The following TTC6 variants were observed in gnomAD, a reference collection of about 807,000 sequenced individuals.
TTC6 encodes the protein tetratricopeptide repeat domain 6.
In TTC6, 172 loss-of-function variants were observed where a neutral mutation model predicts 210.4. That is an observed-to-expected ratio of 0.82 (90% CI 0.72 to 0.93). The LOEUF (loss-of-function observed/expected upper bound fraction) is 0.93, where lower values mean the gene tolerates loss of function less well. Among genes scored for constraint, TTC6 ranks in the 40% least tolerant of loss-of-function variants. The pLI is 0.00. For missense variants in TTC6, 2,414 were observed against 2,318.1 expected (o/e 1.04, Z -0.85); for synonymous variants, 804 against 819.6 (o/e 0.98, Z 0.32).
chr14:37,796,642 C>A lies in TTC6; in HGVS notation c.3869-145C>A, dbSNP rs2096093289. The A allele has an allele frequency of 6.5e-6, 5 of 768,042 alleles. No homozygotes were observed. The South Asian group carries it at 9.4e-5, about 14-fold the overall frequency. 47.6% of individuals were successfully genotyped at this position (768,042 alleles called of 1,614,324 possible). A position where few individuals can be genotyped will look rare whatever the true frequency, so the allele number is the denominator to read the frequency against. Reference sequence around the variant, plus strand: ...TGTTGGTTACTGGTAGTAAATAGATCTTACTATGATTTGTTAATTTTATAA... The same window carrying A: ...TGTTGGTTACTGGTAGTAAATAGATATTACTATGATTTGTTAATTTTATAA... On this transcript the variant is annotated intron_variant, in intron 19 of 30. Coordinates refer to ENST00000553443, the Ensembl canonical transcript of TTC6.
At chr14:37,807,322 A>C (rs746493919) in exon 23 of TTC6, 1 of 1,522,078 alleles carries the variant, frequency 6.6e-7, no homozygotes, top group Non-Finnish European at 8.8e-7. Flanking sequence ...CTGAATAGGC[A>C]TATTTAAGCC....
At chr14:37,806,312 ATATAT>A (rs747640887) in intron 21 of TTC6, 44 bp from the exon 24 acceptor site, 20 of 1,477,654 alleles carry the variant, frequency 1.4e-5, no homozygotes, top group South Asian at 3.9e-5. Context: ...TTTTAAAACA[ATATAT>A]TATATCACTA....
intron 1 of TTC6, among the ~76,000 whole-genome samples, chr14:37,599,367 C>T (rs1167624446): frequency 1.3e-5 from 2 of 152,214 alleles, no homozygotes; most frequent in Non-Finnish European, 2.9e-5. Context: ...GCAGGCAGTT[C>T]TGTACAGAGT....
rs1001751301 is a variant in TTC6, at chr14:37,807,239, T to C, written c.4315-81T>C. The stretch of plus-strand genomic sequence containing the variant: ...ACCCTTTTTGGGAGGCATAGATTTG[T>C]TCCAAGTAGCATATATTTTGGTAGA... On this transcript the variant is annotated intron_variant, in intron 22 of 30. Transcript: ENST00000553443. 22 of 1,303,120 alleles carry C rather than the reference T, an allele frequency of 1.7e-5. No individual in the cohort carries two copies. The Admixed American group carries it at 2.5e-4, about 15-fold the overall frequency. The allele number at this position is 1,303,120 out of a possible 1,614,324, so 80.7% of individuals were successfully genotyped here. A position where few individuals can be genotyped will look rare whatever the true frequency, so the allele number is the denominator to read the frequency against.
At chr14:37,713,581 A>T (rs955843439) in intron 5 of TTC6, among the ~76,000 whole-genome samples, 2 of 152,204 alleles carry the variant, frequency 1.3e-5, no homozygotes, top group Non-Finnish European at 2.9e-5. Context: ...AGGAAAGCAC[A>T]TTAGAAGGAG....
intron 1 of TTC6, among the ~76,000 whole-genome samples, chr14:37,657,904 G>A (rs1196732966): frequency 1.3e-5 from 2 of 152,136 alleles, no homozygotes; most frequent in East Asian, 3.9e-4. Context: ...TGACCTTGCA[G>A]GATGAAAAAT....
Position 37,653,574 on chromosome 14 carries a change from G to GTT in TTC6, c.940-26577_940-26576insTT, listed in dbSNP as rs200503954. Among the ~76,000 whole-genome samples, 860 of 150,394 alleles carry GTT rather than the reference G, an allele frequency of 5.7e-3. 8 individuals are homozygous for GTT. Among genetic ancestry groups the GTT allele is most frequent in the African/African-American group, 0.021 (826 of 39,792 alleles). The stretch of plus-strand genomic sequence containing the variant: ...TCATGTTTAACACTTGCTGTCTTCT[G>GTT]CTATGGTCGGGGAGAGATGTTACTG... On this transcript the variant is annotated intron_variant, in intron 1 of 30. Transcript: ENST00000553443.
chr14:37,611,571 G>A (rs1306901092), intron 2 of TTC6, among the ~76,000 whole-genome samples: 1 of 152,162 alleles, frequency 6.6e-6, no homozygotes, highest in Non-Finnish European at 1.5e-5. Context: ...ATGAGCACGG[G>A]TTGAAGAGGA....
At chr14:37,661,821 C>T (rs907548780) in intron 1 of TTC6, among the ~76,000 whole-genome samples, 2 of 152,040 alleles carry the variant, frequency 1.3e-5, no homozygotes, top group Non-Finnish European at 2.9e-5. Context: ...TTTCCATTTG[C>T]TTGTGTCCTC....
intron 29 of TTC6, chr14:37,828,002 C>G (rs942761893): frequency 1.3e-5 from 2 of 152,112 alleles, no homozygotes; most frequent in African/African-American, 2.4e-5. Flanking sequence ...TTCTTTCCCC[C>G]ACTTAGACTT....
Position 37,644,570 on chromosome 14 carries a change from T to C in TTC6, c.939+21567T>C, listed in dbSNP as rs537848112. The stretch of plus-strand genomic sequence containing the variant: ...ATCCTTGGCAGCCATATGCCAAGGT[T>C]CACATTCTATTACTATGGAAAAGGG... On this transcript the variant is annotated intron_variant, in intron 1 of 30. Coordinates refer to ENST00000553443, the Ensembl canonical transcript of TTC6. Among the ~76,000 whole-genome samples the C allele has an allele frequency of 2.7e-3, 406 of 152,328 alleles. 4 individuals carry two copies. Among genetic ancestry groups the C allele is most frequent in the African/African-American group, 9.3e-3 (386 of 41,568 alleles).
At chr14:37,723,819 G>A (rs1358316294) in intron 6 of TTC6, among the ~76,000 whole-genome samples, 2 of 151,978 alleles carry the variant, frequency 1.3e-5, no homozygotes, top group African/African-American at 2.4e-5. Flanking sequence ...TTCCATCGTG[G>A]GATTCCTCCT....
chr14:37,714,910 G>C (rs2095850048), intron 6 of TTC6, 114 bp downstream of exon 8: 2 of 959,878 alleles, frequency 2.1e-6, no homozygotes, highest in African/African-American at 3.3e-5. Context: ...AGGTGTGGTA[G>C]CTCACGCCTG....
chr14:37,749,930 G>A, intron 12 of TTC6, 87 bp downstream of exon 14: 1 of 895,994 alleles, frequency 1.1e-6, no homozygotes, highest in East Asian at 3.6e-5. Flanking sequence ...ACATAAATCA[G>A]TAGATATATG....
At chr14:37,630,907 G>GTTTTTTTTT (rs746429138) in intron 1 of TTC6, among the ~76,000 whole-genome samples, 3 of 33,070 alleles carry the variant, frequency 9.1e-5, no homozygotes, top group Admixed American at 4.2e-4. Flanking sequence ...GGCAACCCCT[G>GTTTTTTTTT]TTTTTTTTTT....
In TTC6 at chr14:37,701,326, T is replaced by C; in HGVS notation, c.1377-6T>C. The C allele has an allele frequency of 7.2e-7, 1 of 1,384,422 alleles. No individual in the cohort carries two copies. The highest frequency in any genetic ancestry group is 1.7e-5 in the South Asian group (1 of 57,438). The allele number at this position is 1,384,422 out of a possible 1,614,324, so 85.8% of individuals were successfully genotyped here. ...AAAGGAGCTCACTTTCTTTTCTCTG[T>C]TGCAGAATTCCACAAGACTACTCCA... is the stretch of plus-strand genomic sequence containing the variant. On this transcript the variant is annotated splice_region_variant and splice_polypyrimidine_tract_variant and intron_variant, in intron 4 of 30. Transcript: ENST00000553443.
At chr14:37,717,163 AC>A (rs771271399) in intron 6 of TTC6, among the ~76,000 whole-genome samples, 40 of 148,512 alleles carry the variant, frequency 2.7e-4, no homozygotes, top group East Asian at 1.8e-3. Flanking sequence ...CCACCTAAGA[AC>A]CCCCCAAAAA....
chr14:37,787,588 A>AT lies in TTC6; in HGVS notation c.3389dup (p.Arg1131GlnfsTer4). On this transcript the variant is annotated frameshift_variant, in exon 15 of 31. Transcript: ENST00000553443. LOFTEE classifies it high-confidence loss of function. ...TAGCGTTGTATTATCGAGGTTGCTTATTCAGAAAGAGTAACCCTTTTAGAG... is the reference window on the plus strand; with the variant it reads ...TAGCGTTGTATTATCGAGGTTGCTTATTTCAGAAAGAGTAACCCTTTTAGAG... 2 of 1,521,834 alleles carry AT rather than the reference A, an allele frequency of 1.3e-6. No individual in the cohort carries two copies. The highest frequency in any genetic ancestry group is 1.8e-6 in the Non-Finnish European group (2 of 1,137,308). 94.3% of individuals were successfully genotyped at this position (1,521,834 alleles called of 1,614,324 possible).
chr14:37,694,077 C>T (rs1017708128), intron 3 of TTC6, among the ~76,000 whole-genome samples: 9 of 152,100 alleles, frequency 5.9e-5, no homozygotes, highest in Admixed American at 4.6e-4. Flanking sequence ...ACCCCATAAG[C>T]ACAGGCAACC....
Sources: gnomAD v4.1 joint callset for allele counts (sites outside exome capture counted in the v4.1 genomes callset) on GRCh38, gnomAD v4.1.1 for gene constraint, MANE v1.5 for transcripts, NCBI Gene and HGNC (gene_info 2026-07-23, HGNC 2026-07-21) for gene names.